The following NT5C3B variants were observed in gnomAD, a reference collection of about 807,000 sequenced individuals.
The protein encoded by NT5C3B is 5'-nucleotidase, cytosolic IIIB, also known as 7-methylguanosine phosphate-specific 5'-nucleotidase.
A neutral mutation model predicts 32.5 loss-of-function variants in NT5C3B; 28 were observed. That is an observed-to-expected ratio of 0.86 (90% CI 0.64 to 1.18). The LOEUF (loss-of-function observed/expected upper bound fraction) is 1.18. Among genes scored for constraint, NT5C3B ranks in the 50% most tolerant of loss-of-function variants. NT5C3B has a pLI of 0.00. For synonymous variants in NT5C3B, 138 were observed against 118.0 expected (o/e 1.17, Z -1.10); for missense variants, 317 against 322.0 (o/e 0.98, Z 0.12).
intron 5 of NT5C3B, among the ~76,000 whole-genome samples, chr17:41,831,152 C>T (rs2144098520): frequency 6.6e-6 from 1 of 152,064 alleles, no homozygotes; most frequent in African/African-American, 2.4e-5. Context: ...AACCCTGTCT[C>T]CGCTAAAAAT....
Position 41,827,575 on chromosome 17 carries a change from T to C in NT5C3B, c.619A>G (p.Ser207Gly), listed in dbSNP as rs1324137630. The change falls in exon 8 of 9, where the codon AGC (serine) becomes GGC (glycine). Residue 207 changes from serine (S) to glycine (G), a missense_variant. Transcript: ENST00000435506. The part of the protein sequence containing the change: ...GQLIHTYNKN[S>G]SACENSGYFQ... ...TAACCAGAGTTCTCACACGCAGAGC[T>C]GTTCTTGTTGTATGTGTGTATGAGC... 3.8e-5 allele frequency: 33 copies of C among 868,164 alleles called. No individual in the cohort carries two copies. The Admixed American group carries it at 5.4e-4, about 14-fold the overall frequency. The allele number at this position is 868,164 out of a possible 1,614,324, so 53.8% of individuals were successfully genotyped here.
At position 41,827,679 on chromosome 17, in the gene NT5C3B, A is replaced by G. The variant is rs2047990455; in HGVS notation, c.568-53T>C. On this transcript the variant is annotated intron_variant, in intron 7 of 8. Transcript: ENST00000435506. ...GAAGGGCTGCAGGGACCCATGTGGCACCAGCTCTCCACTGTCTCTGTCACA... is the reference window on the plus strand; with the variant it reads ...GAAGGGCTGCAGGGACCCATGTGGCGCCAGCTCTCCACTGTCTCTGTCACA... 3.3e-5 allele frequency: 26 copies of G among 785,838 alleles called. No individual in the cohort carries two copies. The South Asian group carries it at 3.3e-4, about 10-fold the overall frequency. 48.7% of individuals were successfully genotyped at this position (785,838 alleles called of 1,614,324 possible). A position where few individuals can be genotyped will look rare whatever the true frequency, so the allele number is the denominator to read the frequency against.
At chr17:41,827,354 C>A (rs1434111410) in intron 8 of NT5C3B, 72 bp downstream of exon 8, 40 of 737,634 alleles carry the variant, frequency 5.4e-5, no homozygotes, top group Non-Finnish European at 9.3e-5. Context: ...AGAATGTGTT[C>A]AAAGGCATTT....
intron 7 of NT5C3B, chr17:41,828,201 G>C (rs2047996464): frequency 1.3e-5 from 2 of 157,808 alleles, no homozygotes; most frequent in Admixed American, 1.2e-4. Context: ...CAAAGCCCAA[G>C]CCCTTTAGGA....
chr17:41,829,698 C>T (rs1047734497), intron 6 of NT5C3B, among the ~76,000 whole-genome samples: 5 of 152,152 alleles, frequency 3.3e-5, no homozygotes, highest in African/African-American at 1.2e-4. Context: ...TATAAATATG[C>T]CACAATTTAT....
At chr17:41,827,680 C>T in intron 7 of NT5C3B, 54 bp from the exon 8 acceptor site, 1 of 782,806 alleles carries the variant, frequency 1.3e-6, no homozygotes, top group Non-Finnish European at 2.3e-6. Flanking sequence ...CCATGTGGCA[C>T]CAGCTCTCCA....
At chr17:41,835,376 C>T in intron 2 of NT5C3B, 104 bp from the exon 3 acceptor site, 1 of 968,402 alleles carries the variant, frequency 1.0e-6, no homozygotes, top group Non-Finnish European at 1.6e-6. Context: ...GCTCAGTGGC[C>T]AGGATGTAGG....
At position 41,830,904 on chromosome 17, in the gene NT5C3B, C is replaced by T. The variant is rs569257939; in HGVS notation, c.315-14G>A. On this transcript the variant is annotated splice_polypyrimidine_tract_variant and intron_variant, in intron 5 of 8. Coordinates refer to ENST00000435506, the MANE Select transcript of NT5C3B (RefSeq NM_052935.5). ...GCTTTGGTCCACCTAGAAACAGACA[C>T]CCCAGAAAACCCCAAATTCAAATCA... is the stretch of plus-strand genomic sequence containing the variant. 1.3e-5 allele frequency: 19 copies of T among 1,453,390 alleles called. No individual in the cohort carries two copies. In the East Asian group the frequency reaches 3.4e-4, roughly 26 times the overall value. The allele number at this position is 1,453,390 out of a possible 1,614,324, so 90.0% of individuals were successfully genotyped here. A position where few individuals can be genotyped will look rare whatever the true frequency, so the allele number is the denominator to read the frequency against.
intron 6 of NT5C3B, 152 bp downstream of exon 6, chr17:41,830,649 G>T (rs2048035874): frequency 3.2e-6 from 2 of 624,620 alleles, no homozygotes; most frequent in South Asian, 3.8e-5. Flanking sequence ...GGTAAGAAAT[G>T]CTTTAGCTGT....
At position 41,827,629 on chromosome 17, in the gene NT5C3B, A is replaced by C. The variant is rs782435023; in HGVS notation, c.568-3T>G. 1 of 855,604 alleles carries C rather than the reference A, an allele frequency of 1.2e-6. No individual in the cohort carries two copies. The highest frequency in any genetic ancestry group is 1.3e-5 in the South Asian group (1 of 76,046). 53.0% of individuals were successfully genotyped at this position (855,604 alleles called of 1,614,324 possible). ...CCCTTAAATCCCTGGAGAAAACCCT[A>C]AATAATGAAGACAAGAGACAGATGG... On this transcript the variant is annotated splice_region_variant and splice_polypyrimidine_tract_variant and intron_variant, in intron 7 of 8. Transcript: ENST00000435506.
At chr17:41,826,568 G>C (rs554946136) in intron 8 of NT5C3B, among the ~76,000 whole-genome samples, 1 of 151,966 alleles carries the variant, frequency 6.6e-6, no homozygotes, top group East Asian at 1.9e-4. Flanking sequence ...CTGTCACCCA[G>C]ACTGGAGTGC....
chr17:41,826,085 A>G (rs1287111280), intron 8 of NT5C3B, among the ~76,000 whole-genome samples: 8 of 151,890 alleles, frequency 5.3e-5, no homozygotes, highest in African/African-American at 1.9e-4. Context: ...GAGCCCAGGA[A>G]ATTAAGGCTA....
chr17:41,829,022 G>C, intron 6 of NT5C3B, 70 bp from the exon 7 acceptor site: 1 of 1,381,430 alleles, frequency 7.2e-7, no homozygotes, highest in Non-Finnish European at 1.0e-6. Flanking sequence ...TATTTGGGTT[G>C]TTTTTTGGGT....
At chr17:41,836,040 T>G in intron 1 of NT5C3B, 83 bp from the exon 2 acceptor site, 1 of 1,434,964 alleles carries the variant, frequency 7.0e-7, no homozygotes, top group Non-Finnish European at 9.2e-7. Flanking sequence ...GGCGCGCGTG[T>G]GAGGCGGGGC....
In NT5C3B at chr17:41,832,433, T is replaced by C; in HGVS notation, c.273A>G (p.Pro91=). The change falls in exon 5 of 9, where the codon CCA becomes CCG. Residue 91 remains proline (P), a synonymous_variant. Transcript: ENST00000435506. ...GTAGCTTCTCCTTGACGGTCCGGTG[T>C]GGGTCGATCTCAATTGGGTAATAGT... ...LHHYYPIEID[P]HRTVKEKLPH... is the part of the protein sequence containing the mutation. 6.2e-7 allele frequency: 1 copy of C among 1,613,792 alleles called. No homozygotes were observed. The highest frequency in any genetic ancestry group is 8.5e-7 in the Non-Finnish European group (1 of 1,179,814).
chr17:41,825,497 TGCAG>T lies in NT5C3B; in HGVS notation c.*22_*25del, dbSNP rs1555617984. 1.2e-6 allele frequency: 1 copy of T among 867,112 alleles called. No homozygotes were observed. Among genetic ancestry groups the T allele is most frequent in the East Asian group, 2.4e-5 (1 of 41,608 alleles). 53.7% of individuals were successfully genotyped at this position (867,112 alleles called of 1,614,324 possible). A position where few individuals can be genotyped will look rare whatever the true frequency, so the allele number is the denominator to read the frequency against. ...GGAGGCGCCCCTCCTCACCACGGCCTGCAGGCCGGGCTGGAGCCTGCGCCTTCAG... is the reference window on the plus strand; with the variant it reads ...GGAGGCGCCCCTCCTCACCACGGCCTGCCGGGCTGGAGCCTGCGCCTTCAG... On this transcript the variant is annotated 3_prime_UTR_variant, in exon 9 of 9. Coordinates refer to ENST00000435506, the MANE Select transcript of NT5C3B (RefSeq NM_052935.5).
At chr17:41,830,429 A>C (rs1323233694) in intron 6 of NT5C3B, among the ~76,000 whole-genome samples, 1 of 152,170 alleles carries the variant, frequency 6.6e-6, no homozygotes, top group East Asian at 1.9e-4. Flanking sequence ...GAATCGCTTG[A>C]ACCCAGGAGG....
At chr17:41,833,321 ATT>A (rs11309553) in intron 4 of NT5C3B, among the ~76,000 whole-genome samples, 76 of 147,398 alleles carry the variant, frequency 5.2e-4, no homozygotes, top group Admixed American at 9.5e-4. Flanking sequence ...TTCATGTACA[ATT>A]TTTTTTTTTT....
chr17:41,828,456 G>A (rs1272658155), intron 7 of NT5C3B: 1 of 188,178 alleles, frequency 5.3e-6, no homozygotes, highest in Admixed American at 5.6e-5. Flanking sequence ...TCCTGCCTCA[G>A]CCTCGAAGGA....
Sources: gnomAD v4.1 joint callset for allele counts (sites outside exome capture counted in the v4.1 genomes callset) on GRCh38, gnomAD v4.1.1 for gene constraint, MANE v1.5 for transcripts, NCBI Gene and HGNC (gene_info 2026-07-23, HGNC 2026-07-21) for gene names.